TMPRSS5: variants seen among roughly 807,000 people sequenced by gnomAD.
The protein encoded by TMPRSS5 is transmembrane protease serine 5.
TMPRSS5 carries 45 observed loss-of-function variants against 59.7 expected under a neutral mutation model. That is an observed-to-expected ratio of 0.75 (90% CI 0.59 to 0.97). The LOEUF (loss-of-function observed/expected upper bound fraction) is 0.97, where lower values mean the gene tolerates loss of function less well. TMPRSS5 is among the 50% of genes least tolerant of loss of function. The pLI, the probability that TMPRSS5 is intolerant of heterozygous loss-of-function variation, is 0.00. For missense variants in TMPRSS5, 585 were observed against 596.7 expected, an observed-to-expected ratio of 0.98 and a Z score of 0.20; for synonymous variants, 225 against 232.0, an observed-to-expected ratio of 0.97 and a Z score of 0.27.
chr11:113,688,346 A>G, intron 12 of TMPRSS5, 72 bp from the exon 13 acceptor site: 1 of 1,074,894 alleles, frequency 9.3e-7, no homozygotes, highest in South Asian at 1.4e-5. Flanking sequence ...ATTTTAGTAA[A>G]TCACTTAACC....
At position 113,706,261 on chromosome 11, in the gene TMPRSS5, A is replaced by T. The variant is rs760982812; in HGVS notation, c.-37T>A. ...GCACTGTTGTAAAGCCTCAGGGTCT[A>T]CTAGGCAATGTTCCGCTCCTGTTCT... On this transcript the variant is annotated 5_prime_UTR_variant, in exon 1 of 13. Coordinates refer to ENST00000299882, the MANE Select transcript of TMPRSS5 (RefSeq NM_030770.4). 1 of 1,597,974 alleles carries T rather than the reference A, an allele frequency of 6.3e-7. No individual in the cohort carries two copies. The highest frequency in any genetic ancestry group is 8.5e-7 in the Non-Finnish European group (1 of 1,172,478).
intron 8 of TMPRSS5, chr11:113,693,783 G>A (rs1271560527): frequency 1.3e-5 from 2 of 152,462 alleles, no homozygotes; most frequent in East Asian, 1.9e-4. Context: ...CTAGACCCTG[G>A]GGACACAGCA....
At chr11:113,690,576 A>G (rs1952746496) in intron 10 of TMPRSS5, among the ~76,000 whole-genome samples, 1 of 152,078 alleles carries the variant, frequency 6.6e-6, no homozygotes, top group African/African-American at 2.4e-5. Flanking sequence ...GGACTCACAC[A>G]TACACCAAAT....
chr11:113,692,365 T>C (rs961030195), intron 9 of TMPRSS5, among the ~76,000 whole-genome samples: 1 of 152,198 alleles, frequency 6.6e-6, no homozygotes, highest in African/African-American at 2.4e-5. Flanking sequence ...GTGGTGTGTG[T>C]GCGCAAGTGT....
At chr11:113,696,801 G>A in intron 6 of TMPRSS5, 57 bp downstream of exon 6, 1 of 1,244,936 alleles carries the variant, frequency 8.0e-7, no homozygotes, top group East Asian at 2.5e-5. Context: ...GATTTTTGCT[G>A]GATTGACCAC....
chr11:113,702,626 C>T (rs1018399380), intron 1 of TMPRSS5, among the ~76,000 whole-genome samples: 6 of 152,160 alleles, frequency 3.9e-5, no homozygotes, highest in African/African-American at 1.4e-4. Context: ...CAGAGCAGTC[C>T]CTTCCATTAC....
chr11:113,693,213 A>G lies in TMPRSS5; in HGVS notation c.822T>C (p.His274=), dbSNP rs777571878. ...CGGCACTGTGGCTGACCAGCCCCGC[A>G]TGAACCCGCCAGCTGGACAGGCGGG... The part of the protein sequence containing the change: ...RLARLSSWRV[H]AGLVSHSAVR... The change falls in exon 9 of 13, where the codon CAT becomes CAC. Residue 274 remains histidine (H), a synonymous_variant. Transcript: ENST00000299882. 1.3e-6 allele frequency: 2 copies of G among 1,588,214 alleles called. No individual in the cohort carries two copies. Among genetic ancestry groups the G allele is most frequent in the East Asian group, 2.3e-5 (1 of 43,864 alleles).
At chr11:113,705,371 T>A (rs1379559266) in intron 1 of TMPRSS5, among the ~76,000 whole-genome samples, 1 of 152,076 alleles carries the variant, frequency 6.6e-6, no homozygotes, top group Non-Finnish European at 1.5e-5. Context: ...AGAGCACCCA[T>A]GCCAGTTCAG....
In TMPRSS5 at chr11:113,696,949, T is replaced by G; in HGVS notation, c.487A>C (p.Asn163His). ...CTGTTGAGTTTGATGTCAGTGAGGT[T>G]TACTCCCTTGTGGTGAGTGAGTCTT... is the stretch of plus-strand genomic sequence containing the variant. ...HLRLTHHKGV[N>H]LTDIKLNSSQ... The change falls in exon 6 of 13, where the codon AAC (asparagine) becomes CAC (histidine). Residue 163 changes from asparagine to histidine, a missense_variant. Transcript: ENST00000299882. 1 of 1,578,574 alleles carries G rather than the reference T, an allele frequency of 6.3e-7. No individual in the cohort carries two copies. The highest frequency in any genetic ancestry group is 8.6e-7 in the Non-Finnish European group (1 of 1,161,122).
At chr11:113,702,537 A>T (rs950573017) in intron 1 of TMPRSS5, among the ~76,000 whole-genome samples, 1 of 152,366 alleles carries the variant, frequency 6.6e-6, no homozygotes. Flanking sequence ...TGCTGCAGAA[A>T]TTTGCATAAG....
chr11:113,694,326 A>G (rs1214295364), intron 8 of TMPRSS5, 152 bp downstream of exon 8: 1 of 640,466 alleles, frequency 1.6e-6, no homozygotes, highest in African/African-American at 1.8e-5. Flanking sequence ...TGTTCTTGAT[A>G]CTGAATGAGA....
chr11:113,699,513 C>A, intron 3 of TMPRSS5, 82 bp downstream of exon 3: 1 of 1,165,728 alleles, frequency 8.6e-7, no homozygotes, highest in Non-Finnish European at 1.2e-6. Flanking sequence ...AGACAGTTGT[C>A]CCATTTACCT....
chr11:113,702,758 G>C (rs764504263), intron 1 of TMPRSS5, among the ~76,000 whole-genome samples: 8 of 152,218 alleles, frequency 5.3e-5, no homozygotes, highest in Non-Finnish European at 7.3e-5. Flanking sequence ...TGGCTAAAAG[G>C]GGACAAGGTA....
intron 7 of TMPRSS5, 56 bp from the exon 8 acceptor site, chr11:113,694,696 T>C: frequency 1.4e-6 from 2 of 1,469,622 alleles, no homozygotes; most frequent in Non-Finnish European, 1.8e-6. Context: ...GTCAGCATGG[T>C]CCTAACTCTC....
chr11:113,690,086 T>C (rs1191700537), intron 11 of TMPRSS5, 145 bp downstream of exon 11: 2 of 1,295,208 alleles, frequency 1.5e-6, no homozygotes, highest in Non-Finnish European at 2.1e-6. Context: ...AGCTCCAGAC[T>C]TGCCTAGGTG....
intron 8 of TMPRSS5, 62 bp downstream of exon 8, chr11:113,694,416 A>G (rs1591378234): frequency 3.9e-6 from 6 of 1,529,732 alleles, no homozygotes; most frequent in Non-Finnish European, 4.4e-6. Context: ...TACAGGACAT[A>G]CCAACAGCCG....
intron 1 of TMPRSS5, among the ~76,000 whole-genome samples, chr11:113,701,605 C>T (rs188677714): frequency 7.9e-5 from 12 of 152,094 alleles, no homozygotes; most frequent in African/African-American, 2.4e-4. Flanking sequence ...ATGACCAACA[C>T]AGTCAAAATA....
intron 12 of TMPRSS5, 98 bp downstream of exon 12, chr11:113,689,667 A>C: frequency 7.4e-7 from 1 of 1,357,062 alleles, no homozygotes; most frequent in Non-Finnish European, 1.0e-6. Flanking sequence ...CACCCTCCCC[A>C]GTCCCCAGCA....
intron 4 of TMPRSS5, 22 bp downstream of exon 4, chr11:113,698,883 T>C: frequency 6.3e-7 from 1 of 1,574,982 alleles, no homozygotes; most frequent in Non-Finnish European, 8.6e-7. Context: ...GGGAGGCCCG[T>C]AGCCTTAGGG....
Sources: allele counts gnomAD v4.1 joint callset (sites outside exome capture counted in the v4.1 genomes callset), GRCh38; gene constraint gnomAD v4.1.1; transcripts MANE v1.5; gene names NCBI Gene and HGNC (gene_info 2026-07-23, HGNC 2026-07-21).